NCAN: variants seen among roughly 807,000 people sequenced by gnomAD.
NCAN encodes neurocan, also known as neurocan core protein.
NCAN carries 47 observed loss-of-function variants against 121.8 expected under a neutral mutation model. The observed-to-expected ratio is 0.39, with a 90% CI of 0.31 to 0.49. NCAN has a LOEUF of 0.49. Among genes scored for constraint, NCAN ranks in the 20% least tolerant of loss-of-function variants. The pLI is 0.92. For missense variants in NCAN, 1,517 were observed against 1,773.4 expected (o/e 0.86, Z 2.60); for synonymous variants, 633 against 702.0 (o/e 0.90, Z 1.55).
At chr19:19,220,556 C>A (rs1417976916) in intron 3 of NCAN, among the ~76,000 whole-genome samples, 1 of 140,864 alleles carries the variant, frequency 7.1e-6, no homozygotes, top group Non-Finnish European at 1.5e-5. Context: ...CTCCCGGGTT[C>A]ACACCATTCT....
intron 8 of NCAN, chr19:19,232,970 C>T (rs1373652108): frequency 2.6e-5 from 4 of 151,858 alleles, no homozygotes; most frequent in African/African-American, 7.3e-5. Flanking sequence ...GATGGAGTCT[C>T]ACTCTGTCAC....
At chr19:19,232,512 C>T (rs974285180) in intron 8 of NCAN, among the ~76,000 whole-genome samples, 1 of 152,234 alleles carries the variant, frequency 6.6e-6, no homozygotes, top group Non-Finnish European at 1.5e-5. Context: ...ACCCCAGGGA[C>T]AGGCCTCAGC....
At position 19,225,626 on chromosome 19, in the gene NCAN, C is replaced by G. The variant is rs984443644; in HGVS notation, c.1072+356C>G. Among the ~76,000 whole-genome samples, 1 of 152,212 alleles carries G rather than the reference C, an allele frequency of 6.6e-6. No individual in the cohort carries two copies. The highest frequency in any genetic ancestry group is 1.9e-4 in the East Asian group (1 of 5,188). Reference sequence around the variant, plus strand: ...CCACGCCCATACGCAGAAACACCCCCGTGGAAGAGATAATGCCTCAATTGG... The same window carrying G: ...CCACGCCCATACGCAGAAACACCCCGGTGGAAGAGATAATGCCTCAATTGG... On this transcript the variant is annotated intron_variant, in intron 6 of 14. Coordinates refer to ENST00000252575, the MANE Select transcript of NCAN (RefSeq NM_004386.3). This position sits in a 1 kb window ranked among gnomAD's most constrained non-coding sequence, Gnocchi z 4.0.
intron 1 of NCAN, among the ~76,000 whole-genome samples, chr19:19,214,400 G>T (rs188447146): frequency 2.2e-4 from 33 of 152,296 alleles, no homozygotes; most frequent in Non-Finnish European, 4.3e-4. Context: ...TTAAGAGAAG[G>T]GTGTGGGTGT....
Position 19,232,940 on chromosome 19 carries a change from A to C in NCAN, c.3020-849A>C, listed in dbSNP as rs1599817084. 2.0e-5 allele frequency: 3 copies of C among 150,692 alleles called. No homozygotes were observed. In the South Asian group the frequency reaches 6.4e-4, roughly 32 times the overall value. The allele number at this position is 150,692 out of a possible 1,614,324, so 9.3% of individuals were successfully genotyped here. On this transcript the variant is annotated intron_variant, in intron 8 of 14. Transcript: ENST00000252575. ...CCCTGTGCAAAAAATGAAGCATTTC[A>C]TTCTTTTTTTTTTTTATGAGATGGA...
chr19:19,242,974 A>C (rs1036822838), intron 12 of NCAN, among the ~76,000 whole-genome samples: 5 of 152,166 alleles, frequency 3.3e-5, no homozygotes, highest in East Asian at 1.9e-4. Context: ...ATCTCTACAA[A>C]AAATTCAAAA....
At chr19:19,221,830 G>A (rs892751796) in intron 3 of NCAN, among the ~76,000 whole-genome samples, 12 of 152,120 alleles carry the variant, frequency 7.9e-5, no homozygotes, top group African/African-American at 2.9e-4. Flanking sequence ...GTTGGAAGCT[G>A]CAGTGAGCTG....
intron 14 of NCAN, 87 bp downstream of exon 14, chr19:19,248,969 C>T: frequency 1.4e-6 from 2 of 1,426,796 alleles, no homozygotes; most frequent in East Asian, 4.6e-5. Flanking sequence ...ACACATTGAT[C>T]TGGCTTAATG....
Position 19,226,717 on chromosome 19 carries a change from A to T in NCAN, c.1304A>T (p.Asp435Val). ...CAGACCCTCAGCCCTACCCCTGGGGACCCCATGCTGGCCTCATGGCCCACT... is the reference window on the plus strand; with the variant it reads ...CAGACCCTCAGCCCTACCCCTGGGGTCCCCATGCTGGCCTCATGGCCCACT... ...SQQTLSPTPG[D>V]PMLASWPTGE... The change falls in exon 7 of 15, where the codon GAC (aspartate) becomes GTC (valine). Residue 435 changes from aspartate (D) to valine (V), a missense_variant. By Grantham distance (152) the Asp-to-Val change is radical (BLOSUM62 -3). Transcript: ENST00000252575. 1.2e-6 allele frequency: 2 copies of T among 1,612,230 alleles called. No homozygotes were observed. Among genetic ancestry groups the T allele is most frequent in the Non-Finnish European group, 1.7e-6 (2 of 1,178,814 alleles).
Position 19,219,146 on chromosome 19 carries a change from G to C in NCAN, c.305G>C (p.Arg102Thr), listed in dbSNP as rs766896589. The part of the protein sequence containing the change: ...PILVAKDNVV[R>T]VAKSWQGRVS... Reference sequence around the variant, plus strand: ...CTGGTGGCCAAGGACAATGTCGTGAGGGTGGCCAAAAGCTGGCAGGGACGA... The same window carrying C: ...CTGGTGGCCAAGGACAATGTCGTGACGGTGGCCAAAAGCTGGCAGGGACGA... The change falls in exon 3 of 15, where the codon AGG (arginine) becomes ACG (threonine). Residue 102 changes from arginine (R) to threonine (T), a missense_variant. Coordinates refer to ENST00000252575, the MANE Select transcript of NCAN (RefSeq NM_004386.3). The C allele has an allele frequency of 1.2e-6, 2 of 1,613,906 alleles. No homozygotes were observed. Among genetic ancestry groups the C allele is most frequent in the Non-Finnish European group, 1.7e-6 (2 of 1,180,002 alleles).
At position 19,225,146 on chromosome 19, in the gene NCAN, C is replaced by T. The variant is rs1331976706; in HGVS notation, c.948C>T (p.Tyr316=). 6.5e-7 allele frequency: 1 copy of T among 1,531,574 alleles called. No individual in the cohort carries two copies. Among genetic ancestry groups the T allele is most frequent in the African/African-American group, 1.4e-5 (1 of 70,578 alleles). 94.9% of individuals were successfully genotyped at this position (1,531,574 alleles called of 1,614,324 possible). ...GGCTGGCCGACGGCAGCGTGCGCTA[C>T]CCGATCCAGACGCCGCGCCGGCGCT... is the stretch of plus-strand genomic sequence containing the variant. ...PGWLADGSVR[Y]PIQTPRRRCG... is the part of the protein sequence containing the mutation. The change falls in exon 6 of 15, where the codon TAC becomes TAT. Residue 316 remains tyrosine (Y), a synonymous_variant. Transcript: ENST00000252575. The surrounding 1 kb of genome is among the most constrained non-coding windows in gnomAD (Gnocchi z 4.0).
intron 8 of NCAN, 119 bp downstream of exon 8, chr19:19,228,758 G>A: frequency 8.7e-7 from 1 of 1,155,092 alleles, no homozygotes; most frequent in Non-Finnish European, 1.2e-6. Flanking sequence ...AAGCTTTCTA[G>A]TGGGGCATGA....
intron 13 of NCAN, 72 bp from the exon 14 acceptor site, chr19:19,248,625 AAAC>A (rs1051775973): frequency 1.3e-3 from 1,940 of 1,443,122 alleles, no homozygotes; most frequent in South Asian, 2.2e-3. Context: ...ACTCTGTCTC[AAAC>A]AACAACAACA....
At position 19,227,063 on chromosome 19, in the gene NCAN, G is replaced by T. The variant is rs541204872; in HGVS notation, c.1650G>T (p.Met550Ile). 6.6e-6 allele frequency: 10 copies of T among 1,510,172 alleles called. No homozygotes were observed. Among genetic ancestry groups the T allele is most frequent in the Non-Finnish European group, 8.8e-6 (10 of 1,131,050 alleles). The allele number at this position is 1,510,172 out of a possible 1,614,324, so 93.5% of individuals were successfully genotyped here. A position where few individuals can be genotyped will look rare whatever the true frequency, so the allele number is the denominator to read the frequency against. The change falls in exon 7 of 15, where the codon ATG becomes ATT. Residue 550 changes from methionine to isoleucine, a missense_variant. Transcript: ENST00000252575. This position sits in a 1 kb window ranked among gnomAD's most constrained non-coding sequence, Gnocchi z 4.2. The stretch of plus-strand genomic sequence containing the variant: ...CTGATCTGACCAATGAGGTGGATAT[G>T]CCTGGAGCTGGTGAGTTGCTCTGGG... ...PWADLTNEVD[M>I]PGAGSAGGKS...
intron 14 of NCAN, 69 bp downstream of exon 14, chr19:19,248,951 A>G (rs2060936331): frequency 5.3e-6 from 8 of 1,517,882 alleles, no homozygotes; most frequent in Admixed American, 1.7e-5. Context: ...AAGACATCCT[A>G]TTTCTCCACA....
In NCAN at chr19:19,228,160, G is replaced by T. The variant is rs146321693; in HGVS notation, c.2540G>T (p.Gly847Val). 6.2e-7 allele frequency: 1 copy of T among 1,613,700 alleles called. No individual in the cohort carries two copies. The highest frequency in any genetic ancestry group is 8.5e-7 in the Non-Finnish European group (1 of 1,180,036). Residue 847 changes from glycine (G) to valine (V), a missense_variant, in exon 8 of 15, where the codon GGA (glycine) becomes GTA (valine). Gly to Val is a moderately radical substitution (Grantham distance 109, BLOSUM62 -3). Transcript: ENST00000252575. ...PSDASGIWEP[G>V]SQVFEEAEST... ...GATGCTAGTGGAATTTGGGAACCTG[G>T]ATCCCAGGTGTTTGAAGAAGCCGAA...
At chr19:19,224,883 C>T (rs2060829617) in intron 5 of NCAN, 94 bp from the exon 6 acceptor site, 1 of 1,124,900 alleles carries the variant, frequency 8.9e-7, no homozygotes, top group Admixed American at 3.6e-5. Flanking sequence ...CACCCTAACA[C>T]GTCCAGGTCG....
chr19:19,227,367 C>G lies in NCAN; in HGVS notation c.1747C>G (p.Pro583Ala). 1 of 1,613,504 alleles carries G rather than the reference C, an allele frequency of 6.2e-7. No individual in the cohort carries two copies. Among genetic ancestry groups the G allele is most frequent in the South Asian group, 1.1e-5 (1 of 91,050 alleles). ...CAGCATCTCAGGCCACAGCAGGGCC[C>G]CTGTCCTGGAGCTAGAGAAAGCCGA... ...PPSISGHSRA[P>A]VLELEKAEGP... Residue 583 changes from proline (P) to alanine (A), a missense_variant, in exon 8 of 15, where the codon CCT becomes GCT. Pro to Ala is a conservative substitution (Grantham distance 27). Coordinates refer to ENST00000252575, the MANE Select transcript of NCAN (RefSeq NM_004386.3). This position sits in a 1 kb window ranked among gnomAD's most constrained non-coding sequence, Gnocchi z 4.2.
At chr19:19,219,677 A>AAAAAG (rs1314801043) in intron 3 of NCAN, among the ~76,000 whole-genome samples, 1 of 148,918 alleles carries the variant, frequency 6.7e-6, no homozygotes, top group Non-Finnish European at 1.5e-5. Flanking sequence ...TGTCACAAAA[A>AAAAAG]AAAAAAAAAA....
Sources: gnomAD v4.1 joint callset for allele counts (sites outside exome capture counted in the v4.1 genomes callset) on GRCh38, gnomAD v4.1.1 for gene constraint, Gnocchi (gnomAD v3.1) non-coding constraint, MANE v1.5 for transcripts, NCBI Gene and HGNC (gene_info 2026-07-23, HGNC 2026-07-21) for gene names.